The following INSYN2A variants were observed in gnomAD, a reference collection of about 807,000 sequenced individuals.
INSYN2A encodes inhibitory synaptic factor 2A, also known as family with sequence similarity 196 member A.
In INSYN2A, 17 loss-of-function variants were observed where a neutral mutation model predicts 39.4. The ratio of observed to expected loss-of-function variants is 0.43; its 90% CI spans 0.30 to 0.65. The LOEUF (loss-of-function observed/expected upper bound fraction) is 0.65. Among genes scored for constraint, INSYN2A ranks in the 30% least tolerant of loss-of-function variants. The pLI is 0.14. For missense variants in INSYN2A, 595 were observed against 631.2 expected (o/e 0.94, Z 0.61); for synonymous variants, 255 against 265.7 (o/e 0.96, Z 0.39).
In INSYN2A at chr10:127,149,966, C is replaced by T. The variant is rs2052329532; in HGVS notation, c.1256+3886G>A. On this transcript the variant is annotated intron_variant, in intron 5 of 5. Coordinates refer to ENST00000522781, the MANE Select transcript of INSYN2A (RefSeq NM_001039762.3). The stretch of plus-strand genomic sequence containing the variant: ...CCAGGCTTTGATCTGACAGCAAGGA[C>T]TGTAACCTGAGCTATACTTTCCCCT... 4.6e-5 allele frequency among the ~76,000 whole-genome samples: 7 copies of T among 152,130 alleles called. No homozygotes were observed. The South Asian group carries it at 1.4e-3, about 32-fold the overall frequency.
chr10:127,138,702 C>G (rs2050927736), intron 5 of INSYN2A, among the ~76,000 whole-genome samples: 3 of 152,150 alleles, frequency 2.0e-5, no homozygotes, highest in Admixed American at 2.0e-4. Context: ...AGTAAAATTC[C>G]ATCACTCAAG....
At chr10:127,193,401 G>A (rs557546311) in intron 1 of INSYN2A, among the ~76,000 whole-genome samples, 32 of 152,276 alleles carry the variant, frequency 2.1e-4, no homozygotes, top group African/African-American at 5.3e-4. Context: ...GTTAAAATCC[G>A]TGGTGAACCT....
At chr10:127,147,204 A>C (rs2051952880) in intron 5 of INSYN2A, among the ~76,000 whole-genome samples, 1 of 152,168 alleles carries the variant, frequency 6.6e-6, no homozygotes, top group African/African-American at 2.4e-5. Context: ...GAAGCCGTCA[A>C]GGATTGTGGT....
intron 2 of INSYN2A, among the ~76,000 whole-genome samples, chr10:127,177,987 C>T (rs1464445318): frequency 6.6e-6 from 1 of 152,174 alleles, no homozygotes; most frequent in Non-Finnish European, 1.5e-5. Flanking sequence ...ATGCTGTTCT[C>T]ATAGACCCAG....
chr10:127,193,648 ATCAT>A (rs575180958), intron 1 of INSYN2A, among the ~76,000 whole-genome samples: 131 of 152,364 alleles, frequency 8.6e-4, no homozygotes, highest in African/African-American at 3.0e-3. Context: ...ATTTCTGAGA[ATCAT>A]TTTGATTTTT....
At chr10:127,140,447 C>T (rs2051119963) in intron 5 of INSYN2A, among the ~76,000 whole-genome samples, 1 of 152,160 alleles carries the variant, frequency 6.6e-6, no homozygotes, top group Non-Finnish European at 1.5e-5. Context: ...TGAGGTCCGC[C>T]CCCCAGCCCA....
chr10:127,186,534 A>T (rs2056287624), intron 2 of INSYN2A, among the ~76,000 whole-genome samples: 1 of 39,684 alleles, frequency 2.5e-5, no homozygotes. Context: ...CGATCCAGTT[A>T]CCTCCACCCA....
At chr10:127,168,062 G>T (rs2133790952) in intron 4 of INSYN2A, among the ~76,000 whole-genome samples, 1 of 152,258 alleles carries the variant, frequency 6.6e-6, no homozygotes, top group East Asian at 1.9e-4. Flanking sequence ...TCAGCTGTTT[G>T]TTACAGAGAA....
chr10:127,176,196 C>T lies in INSYN2A; in HGVS notation c.200G>A (p.Gly67Asp), dbSNP rs747545234. The change falls in exon 4 of 6, where the codon GGC becomes GAC. Residue 67 changes from glycine (G) to aspartate (D), a missense_variant. Physicochemically the swap from Gly to Asp is moderately conservative, Grantham distance 94. Around this residue, in one of 2 missense-constraint regions of INSYN2A, gnomAD observed 478 missense variants for 467.4 expected, o/e 1.02. Coordinates refer to ENST00000522781, the MANE Select transcript of INSYN2A (RefSeq NM_001039762.3). This position sits in a 1 kb window ranked among gnomAD's most constrained non-coding sequence, Gnocchi z 4.4. ...NEQRDTQLSS[G>D]QLGEKREAKP... ...GGCCTCCCGCTTCTCCCCCAGCTGG[C>T]CCGAGGACAGCTGTGTGTCCCTCTG... 1.9e-6 allele frequency: 3 copies of T among 1,614,098 alleles called. No homozygotes were observed. In the South Asian group the frequency reaches 3.3e-5, roughly 18 times the overall value.
intron 4 of INSYN2A, among the ~76,000 whole-genome samples, chr10:127,165,616 G>A (rs947714298): frequency 4.5e-4 from 68 of 152,130 alleles, no homozygotes; most frequent in African/African-American, 1.6e-3. Flanking sequence ...AGTATCAAAT[G>A]TTTGTTGTTC....
rs558709728 is a variant in INSYN2A, at chr10:127,165,149, A to C, written c.1184+10063T>G. Among the ~76,000 whole-genome samples the C allele has an allele frequency of 5.3e-5, 8 of 152,338 alleles. No homozygotes were observed. The South Asian group carries it at 1.5e-3, about 28-fold the overall frequency. ...TACTGTCACAGAGGTTCGAATTTGAAAGCATTAATGTTGTCATTTTTTGCC... is the reference window on the plus strand; with the variant it reads ...TACTGTCACAGAGGTTCGAATTTGACAGCATTAATGTTGTCATTTTTTGCC... On this transcript the variant is annotated intron_variant, in intron 4 of 5. Transcript: ENST00000522781.
chr10:127,157,601 C>T (rs1474931331), intron 4 of INSYN2A, among the ~76,000 whole-genome samples: 3 of 152,330 alleles, frequency 2.0e-5, no homozygotes, highest in South Asian at 2.1e-4. Context: ...GTTTGGCTGA[C>T]GTTTGTTGGT....
intron 5 of INSYN2A, chr10:127,145,794 T>C (rs2051765925): frequency 9.4e-6 from 3 of 320,564 alleles, no homozygotes; most frequent in Non-Finnish European, 1.8e-5. Context: ...TGATACCCAT[T>C]GAGAGCATCA....
chr10:127,188,166 A>C (rs976962707), intron 2 of INSYN2A, among the ~76,000 whole-genome samples: 1 of 152,210 alleles, frequency 6.6e-6, no homozygotes, highest in East Asian at 1.9e-4. Context: ...GATCCCACAC[A>C]GGCCCACAGA....
At chr10:127,192,806 C>T (rs1268983863) in intron 1 of INSYN2A, 76 bp from the exon 2 acceptor site, 7 of 152,220 alleles carry the variant, frequency 4.6e-5, no homozygotes, top group Non-Finnish European at 1.0e-4. Context: ...TAACACAAGA[C>T]ATTGTCCAAA....
At chr10:127,195,526 C>A (rs1388647679) in intron 1 of INSYN2A, among the ~76,000 whole-genome samples, 1 of 147,980 alleles carries the variant, frequency 6.8e-6, no homozygotes, top group East Asian at 1.9e-4. Flanking sequence ...CAACTCATCC[C>A]CCCCCCGAAG....
rs779209910 is a variant in INSYN2A, at chr10:127,175,422, G to A, written c.974C>T (p.Thr325Ile). 2.5e-6 allele frequency: 4 copies of A among 1,613,144 alleles called. No homozygotes were observed. The highest frequency in any genetic ancestry group is 2.5e-6 in the Non-Finnish European group (3 of 1,180,044). The change falls in exon 4 of 6, where the codon ACT becomes ATT. Residue 325 changes from threonine (T) to isoleucine (I), a missense_variant. Coordinates refer to ENST00000522781, the MANE Select transcript of INSYN2A (RefSeq NM_001039762.3). This position sits in a 1 kb window ranked among gnomAD's most constrained non-coding sequence, Gnocchi z 6.3. ...SPECSEQPSQ[T>I]HTPPGLGNQP... Reference sequence around the variant, plus strand: ...GTTCCCCAGCCCCGGCGGGGTGTGAGTCTGCGACGGCTGCTCACTACATTC... The same window carrying A: ...GTTCCCCAGCCCCGGCGGGGTGTGAATCTGCGACGGCTGCTCACTACATTC...
At chr10:127,159,859 G>A (rs1237102253) in intron 4 of INSYN2A, among the ~76,000 whole-genome samples, 2 of 152,180 alleles carry the variant, frequency 1.3e-5, no homozygotes, top group Non-Finnish European at 2.9e-5. Context: ...GCCACGTCCT[G>A]GGTGGCAGGG....
intron 4 of INSYN2A, among the ~76,000 whole-genome samples, chr10:127,172,689 C>T (rs2054690062): frequency 6.6e-6 from 1 of 152,190 alleles, no homozygotes; most frequent in Non-Finnish European, 1.5e-5. Context: ...AGGAACACAA[C>T]AGAGACCTGC....
Sources: allele counts gnomAD v4.1 joint callset (sites outside exome capture counted in the v4.1 genomes callset), GRCh38; gene constraint gnomAD v4.1.1; regional missense constraint gnomAD v4.1.1; non-coding constraint Gnocchi (gnomAD v3.1); transcripts MANE v1.5; gene names NCBI Gene and HGNC (gene_info 2026-07-23, HGNC 2026-07-21).